The following KCNH7 variants were observed in gnomAD, a reference collection of about 807,000 sequenced individuals.
KCNH7 encodes the protein voltage-gated inwardly rectifying potassium channel KCNH7.
In KCNH7, 49 loss-of-function variants were observed where a neutral mutation model predicts 120.8. The observed-to-expected ratio is 0.41, with a 90% CI of 0.32 to 0.51. The LOEUF is 0.51. Among genes scored for constraint, KCNH7 ranks in the 20% least tolerant of loss-of-function variants. The pLI is 0.38. For synonymous variants in KCNH7, 547 were observed against 516.1 expected (o/e 1.06, Z -0.81); for missense variants, 1,097 against 1,446.6 (o/e 0.76, Z 3.92).
chr2:162,437,462 G>C (rs954799562), intron 7 of KCNH7, among the ~76,000 whole-genome samples: 6 of 152,004 alleles, frequency 3.9e-5, no homozygotes, highest in African/African-American at 1.2e-4. Flanking sequence ...TTATTGGCTG[G>C]ATCCCTGAGA....
chr2:162,494,419 G>A (rs980649634), intron 6 of KCNH7, among the ~76,000 whole-genome samples: 1 of 152,058 alleles, frequency 6.6e-6, no homozygotes, highest in African/African-American at 2.4e-5. Context: ...GGCCCCTGGA[G>A]CATCCAAAAG....
At chr2:162,537,756 G>A (rs976616884) in intron 2 of KCNH7, among the ~76,000 whole-genome samples, 2 of 151,974 alleles carry the variant, frequency 1.3e-5, no homozygotes, top group African/African-American at 4.8e-5. Flanking sequence ...CAAAATTACA[G>A]GGCTAGTAAG....
chr2:162,387,175 G>A lies in KCNH7; in HGVS notation c.2711-2236C>T, dbSNP rs970531488. Among the ~76,000 whole-genome samples, 6 of 149,376 alleles carry A rather than the reference G, an allele frequency of 4.0e-5. No homozygotes were observed. In the Admixed American group the frequency reaches 4.1e-4, roughly 10 times the overall value. On this transcript the variant is annotated intron_variant, in intron 12 of 15. Transcript: ENST00000332142. ...TAGTTGCTACTGGACTATCACCCAA[G>A]CCATATGAACAATTTCTTTGATACA...
chr2:162,434,438 C>T (rs1209364071), intron 8 of KCNH7, among the ~76,000 whole-genome samples: 3 of 152,068 alleles, frequency 2.0e-5, no homozygotes, highest in East Asian at 1.9e-4. Flanking sequence ...AAAAATCCAT[C>T]ATGCTTTTAT....
chr2:162,705,383 T>C (rs1686661019), intron 2 of KCNH7, among the ~76,000 whole-genome samples: 1 of 152,108 alleles, frequency 6.6e-6, no homozygotes. Context: ...AATTTTATTA[T>C]TGCTAGGGTC....
intron 2 of KCNH7, among the ~76,000 whole-genome samples, chr2:162,746,084 A>G (rs1232945928): frequency 6.6e-6 from 1 of 152,096 alleles, no homozygotes; most frequent in Non-Finnish European, 1.5e-5. Context: ...TGTAGTCCCT[A>G]TATTTGAATA....
chr2:162,471,532 G>A (rs971880847), intron 6 of KCNH7, among the ~76,000 whole-genome samples: 1 of 152,088 alleles, frequency 6.6e-6, no homozygotes, highest in African/African-American at 2.4e-5. Context: ...ACCTTACAAG[G>A]GATGTGAAGG....
intron 6 of KCNH7, among the ~76,000 whole-genome samples, chr2:162,446,763 G>C (rs1021215533): frequency 1.3e-5 from 2 of 151,940 alleles, no homozygotes; most frequent in African/African-American, 2.4e-5. Flanking sequence ...AAAAATACAT[G>C]GCTGTTTTTA....
intron 6 of KCNH7, among the ~76,000 whole-genome samples, chr2:162,490,668 G>T (rs1482029098): frequency 6.6e-6 from 1 of 152,160 alleles, no homozygotes; most frequent in Non-Finnish European, 1.5e-5. Flanking sequence ...AGCTACAGAG[G>T]ACAGGATGCT....
At chr2:162,503,073 A>G (rs920531483) in intron 6 of KCNH7, among the ~76,000 whole-genome samples, 1 of 152,120 alleles carries the variant, frequency 6.6e-6, no homozygotes, top group Non-Finnish European at 1.5e-5. Context: ...ACAGAGCTGC[A>G]TATCAGCTGT....
chr2:162,523,318 C>T (rs1691594621), intron 3 of KCNH7, among the ~76,000 whole-genome samples: 1 of 151,834 alleles, frequency 6.6e-6, no homozygotes, highest in South Asian at 2.1e-4. Flanking sequence ...TCAACATTGA[C>T]CTCCCCTAAG....
At chr2:162,552,676 G>C (rs1232145666) in intron 2 of KCNH7, among the ~76,000 whole-genome samples, 1 of 152,208 alleles carries the variant, frequency 6.6e-6, no homozygotes, top group Admixed American at 6.5e-5. Flanking sequence ...TCTCTTGCTG[G>C]TCACAGAAGA....
chr2:162,431,066 CTT>C (rs1340279847), intron 8 of KCNH7, among the ~76,000 whole-genome samples: 2 of 151,946 alleles, frequency 1.3e-5, no homozygotes, highest in East Asian at 3.9e-4. Context: ...CAAAAACTGT[CTT>C]TGCAAATAGC....
chr2:162,479,301 A>G (rs2105674649), intron 6 of KCNH7, among the ~76,000 whole-genome samples: 1 of 151,998 alleles, frequency 6.6e-6, no homozygotes, highest in South Asian at 2.1e-4. Context: ...ACCCTTGTGT[A>G]TTGATGAAAG....
At chr2:162,752,950 A>AGAG (rs1688632033) in intron 2 of KCNH7, among the ~76,000 whole-genome samples, 2 of 108,360 alleles carry the variant, frequency 1.8e-5, no homozygotes, top group African/African-American at 1.1e-4. Flanking sequence ...AAAGAAAAGA[A>AGAG]AAGAAAAGAA....
intron 6 of KCNH7, among the ~76,000 whole-genome samples, chr2:162,462,034 C>T (rs927946554): frequency 4.6e-5 from 7 of 152,006 alleles, no homozygotes; most frequent in Non-Finnish European, 8.8e-5. Flanking sequence ...AAATGATGTA[C>T]GTGGCAAAAT....
chr2:162,795,324 AT>A (rs1279280022), intron 2 of KCNH7: 4 of 152,164 alleles, frequency 2.6e-5, no homozygotes, highest in African/African-American at 9.6e-5. Context: ...AGAAAATGGT[AT>A]GGAAGGAAGG....
In KCNH7 at chr2:162,447,019, CA is replaced by C. The variant is rs1192595639; in HGVS notation, c.1129-577del. ...AAGGCAAATGAGATTAAAATGAACA[CA>C]AAAGAGGCTTTTCCTTAAAAGGTTG... On this transcript the variant is annotated intron_variant, in intron 6 of 15. Coordinates refer to ENST00000332142, the MANE Select transcript of KCNH7 (RefSeq NM_033272.4). Among the ~76,000 whole-genome samples, 4 of 152,006 alleles carry C rather than the reference CA, an allele frequency of 2.6e-5. No homozygotes were observed. The East Asian group carries it at 7.7e-4, about 29-fold the overall frequency.
intron 2 of KCNH7, among the ~76,000 whole-genome samples, chr2:162,691,522 A>C (rs1384529455): frequency 6.6e-6 from 1 of 152,138 alleles, no homozygotes; most frequent in Admixed American, 6.6e-5. Context: ...AAAATGATGA[A>C]TTATAGGAAA....
Sources: gnomAD v4.1 joint callset for allele counts (sites outside exome capture counted in the v4.1 genomes callset) on GRCh38, gnomAD v4.1.1 for gene constraint, MANE v1.5 for transcripts, NCBI Gene and HGNC (gene_info 2026-07-23, HGNC 2026-07-21) for gene names.